Variants in USP28 observed in about 807,000 individuals in gnomAD.
USP28 encodes ubiquitin specific peptidase 28.
In USP28, 113 loss-of-function variants were observed where a neutral mutation model predicts 145.0. The ratio of observed to expected loss-of-function variants is 0.78; its 90% CI spans 0.67 to 0.91. The LOEUF (loss-of-function observed/expected upper bound fraction) is 0.91. Ranked by LOEUF, USP28 falls within the 40% of genes least tolerant of loss-of-function variation. USP28 has a pLI of 0.00. For synonymous variants in USP28, 447 were observed against 450.9 expected, an observed-to-expected ratio of 0.99 and a Z score of 0.11; for missense variants, 1,201 against 1,289.6, an observed-to-expected ratio of 0.93 and a Z score of 1.05.
chr11:113,833,417 T>G lies in USP28; in HGVS notation c.759+3A>C. The G allele has an allele frequency of 6.2e-7, 1 of 1,611,394 alleles. No individual in the cohort carries two copies. The highest frequency in any genetic ancestry group is 2.2e-5 in the East Asian group (1 of 44,882). ...AAACTCAAGAACAAGGCTTCTTTTGTACCTGCTGTTCCTCAGATGATCGGA... is the reference window on the plus strand; with the variant it reads ...AAACTCAAGAACAAGGCTTCTTTTGGACCTGCTGTTCCTCAGATGATCGGA... On this transcript the variant is annotated splice_donor_region_variant and intron_variant, in intron 7 of 24. Coordinates refer to ENST00000003302, the Ensembl canonical transcript of USP28.
intron 5 of USP28, chr11:113,835,113 T>C (rs2136036283): frequency 2.7e-6 from 1 of 372,650 alleles, no homozygotes; most frequent in Non-Finnish European, 5.2e-6. Context: ...CTTGTCATAG[T>C]ATTGTATTTT....
chr11:113,824,139 G>A (rs1005433051), intron 11 of USP28, among the ~76,000 whole-genome samples: 1 of 152,012 alleles, frequency 6.6e-6, no homozygotes. Context: ...CTATACACTT[G>A]TAAAGAACAA....
intron 1 of USP28, among the ~76,000 whole-genome samples, chr11:113,863,055 T>A (rs1356114091): frequency 6.6e-6 from 1 of 152,010 alleles, no homozygotes; most frequent in East Asian, 1.9e-4. Context: ...CAGGCAAGAA[T>A]AAAAAATAAA....
chr11:113,813,794 C>T lies in USP28; in HGVS notation c.1743+91G>A, dbSNP rs59459108. The T allele has an allele frequency of 1.6e-4, 146 of 938,312 alleles. No individual in the cohort carries two copies. In the East Asian group the frequency reaches 3.4e-3, roughly 22 times the overall value. The allele number at this position is 938,312 out of a possible 1,614,324, so 58.1% of individuals were successfully genotyped here. ...TTATTCTTTTATCTTAGGGGGATTC[C>T]CATTGGGTTTAAAAGAAAACTATCA... is the stretch of plus-strand genomic sequence containing the variant. On this transcript the variant is annotated intron_variant, in intron 15 of 24. Coordinates refer to ENST00000003302, the Ensembl canonical transcript of USP28.
chr11:113,825,873 C>T (rs942231338), intron 11 of USP28, among the ~76,000 whole-genome samples: 1 of 151,674 alleles, frequency 6.6e-6, no homozygotes, highest in African/African-American at 2.4e-5. Context: ...ACAAGGAAAA[C>T]CTTTTGGGTG....
intron 14 of USP28, among the ~76,000 whole-genome samples, chr11:113,814,692 G>A (rs1243090275): frequency 6.6e-6 from 1 of 151,862 alleles, no homozygotes; most frequent in African/African-American, 2.4e-5. Flanking sequence ...TATAATGGGG[G>A]TGTGTGAGCC....
At chr11:113,871,018 G>A (rs983273346) in intron 1 of USP28, among the ~76,000 whole-genome samples, 2 of 152,202 alleles carry the variant, frequency 1.3e-5, no homozygotes, top group African/African-American at 4.8e-5. Flanking sequence ...ATATGCAAAT[G>A]AATCACCCAA....
chr11:113,851,008 C>T (rs139297268), intron 3 of USP28, among the ~76,000 whole-genome samples: 1 of 152,154 alleles, frequency 6.6e-6, no homozygotes, highest in Admixed American at 6.6e-5. Flanking sequence ...TGGTTAAATG[C>T]TTCAGTTGCT....
chr11:113,819,214 G>A (rs1415108427), intron 12 of USP28, among the ~76,000 whole-genome samples: 1 of 151,630 alleles, frequency 6.6e-6, no homozygotes, highest in Non-Finnish European at 1.5e-5. Flanking sequence ...CTGGGTTCAA[G>A]CAATTGTCCT....
In USP28 at chr11:113,870,170, A is replaced by T. The variant is rs11214748; in HGVS notation, c.57+5275T>A. Among the ~76,000 whole-genome samples the T allele has an allele frequency of 9.3e-3, 1,420 of 152,196 alleles. 23 individuals are homozygous for T. The highest frequency in any genetic ancestry group is 0.031 in the African/African-American group (1,285 of 41,548). ...AGAGCGAAACTCCGTCTCAAAAAAC[A>T]AAACAAGAAAAAAGTAACAGCAAAA... On this transcript the variant is annotated intron_variant, in intron 1 of 24. Transcript: ENST00000003302.
chr11:113,862,342 T>C (rs1947781105), intron 1 of USP28, among the ~76,000 whole-genome samples: 1 of 152,224 alleles, frequency 6.6e-6, no homozygotes, highest in Non-Finnish European at 1.5e-5. Context: ...AGCAAGACTC[T>C]GTCTCAAATA....
chr11:113,817,297 C>T (rs1487479913), intron 13 of USP28, among the ~76,000 whole-genome samples: 1 of 152,206 alleles, frequency 6.6e-6, no homozygotes, highest in African/African-American at 2.4e-5. Flanking sequence ...GTCATGCATA[C>T]TTCAAGTGTG....
intron 5 of USP28, among the ~76,000 whole-genome samples, chr11:113,836,402 C>G (rs1944574864): frequency 6.6e-6 from 1 of 152,164 alleles, no homozygotes; most frequent in Non-Finnish European, 1.5e-5. Context: ...TGCACATGGT[C>G]TCTCTGCTTC....
chr11:113,822,497 AG>A (rs1565382362), intron 12 of USP28: 54 of 115,492 alleles, frequency 4.7e-4, no homozygotes, highest in African/African-American at 1.6e-3. Context: ...AGAGAGAGAG[AG>A]AGATGGGGTC....
intron 1 of USP28, among the ~76,000 whole-genome samples, chr11:113,872,678 TGA>T (rs1948945219): frequency 6.6e-6 from 1 of 152,174 alleles, no homozygotes; most frequent in Admixed American, 6.5e-5. Flanking sequence ...AGGCTTCAGC[TGA>T]CATAAAGAAT....
At chr11:113,852,608 G>A (rs1439757750) in exon 3 of USP28, 1 of 1,613,988 alleles carries the variant, frequency 6.2e-7, no homozygotes, top group Non-Finnish European at 8.5e-7. Flanking sequence ...AAGGCTGACT[G>A]CCTGAGTAAT....
chr11:113,835,374 A>C (rs368070834), intron 5 of USP28: 1 of 454,926 alleles, frequency 2.2e-6, no homozygotes, highest in East Asian at 6.9e-5. Flanking sequence ...TAAATAAAAC[A>C]GCTTCTTGGT....
intron 10 of USP28, 27 bp from the exon 11 acceptor site, chr11:113,827,387 GAA>G: frequency 6.5e-7 from 1 of 1,547,198 alleles, no homozygotes; most frequent in East Asian, 2.3e-5. Context: ...AAATGTGAGA[GAA>G]AGAAAAATTA....
exon 8 of USP28, chr11:113,831,954 G>A (rs879011227): frequency 1.2e-6 from 2 of 1,613,918 alleles, no homozygotes; most frequent in South Asian, 1.1e-5. Flanking sequence ...GCGTCCTCTA[G>A]CCAATCCAGG....
Sources: gnomAD v4.1 joint callset for allele counts (sites outside exome capture counted in the v4.1 genomes callset) on GRCh38, gnomAD v4.1.1 for gene constraint, MANE v1.5 for transcripts, NCBI Gene and HGNC (gene_info 2026-07-23, HGNC 2026-07-21) for gene names.